POLA1: variants seen among roughly 807,000 people sequenced by gnomAD.
POLA1 encodes DNA polymerase alpha catalytic subunit.
In POLA1, 15 loss-of-function variants were observed where a neutral mutation model predicts 124.0. That is an observed-to-expected ratio of 0.12 (90% CI 0.08 to 0.19). POLA1 has a LOEUF of 0.19. Ranked by LOEUF, POLA1 falls within the 10% of genes least tolerant of loss-of-function variation. The pLI is 1.00. For missense variants in POLA1, 886 were observed against 1,103.4 expected (o/e 0.80, Z 2.79); for synonymous variants, 408 against 389.4 (o/e 1.05, Z -0.56).
At chrX:24,880,992 G>A (rs375556892) in intron 34 of POLA1, among the ~76,000 whole-genome samples, 2 of 111,846 alleles carry the variant, frequency 1.8e-5, no homozygotes, top group African/African-American at 3.2e-5. Context: ...TAAATCGTAC[G>A]TCACTGCAGA....
At chrX:24,785,392 C>A (rs2045342811) in intron 26 of POLA1, among the ~76,000 whole-genome samples, 1 of 111,547 alleles carries the variant, frequency 9.0e-6, no homozygotes, top group South Asian at 3.7e-4. Flanking sequence ...TTGGGGGTGA[C>A]CAGTACTATT....
chrX:24,713,721 A>G (rs1426134586), intron 4 of POLA1, among the ~76,000 whole-genome samples: 2 of 112,511 alleles, frequency 1.8e-5, no homozygotes, highest in Non-Finnish European at 3.8e-5. Context: ...GGCCAGCAAA[A>G]GTTGTTCTTT....
chrX:24,698,862 A>G (rs1441375021), intron 1 of POLA1, among the ~76,000 whole-genome samples: 1 of 110,927 alleles, frequency 9.0e-6, no homozygotes, highest in Non-Finnish European at 1.9e-5. Context: ...CATGTTGGCC[A>G]GGCTGGTCTC....
rs370361721 is a variant in POLA1 at position 24,996,865 on chromosome X, T to C, written c.*915T>C. ...TCTTACATTATTGGTAAGATTATAC[T>C]AACAAAATGTTTCCCCTTGTACAAT... On this transcript the variant is annotated 3_prime_UTR_variant, in exon 37 of 37. Transcript: ENST00000379068. 90 of 112,231 alleles carry C rather than the reference T, an allele frequency of 8.0e-4. No homozygotes were observed. The highest frequency in any genetic ancestry group is 2.8e-3 in the African/African-American group (87 of 30,860). The allele number at this position is 112,231 out of a possible 1,213,427, so 9.2% of individuals were successfully genotyped here.
intron 26 of POLA1, among the ~76,000 whole-genome samples, chrX:24,752,350 A>G (rs1186157283): frequency 8.9e-6 from 1 of 112,325 alleles, no homozygotes; most frequent in Non-Finnish European, 1.9e-5. Flanking sequence ...GAATGAGCTA[A>G]TGGGTAAGGA....
chrX:24,814,042 A>G, intron 29 of POLA1, among the ~76,000 whole-genome samples: 1 of 111,637 alleles, frequency 9.0e-6, no homozygotes, highest in East Asian at 2.8e-4. Flanking sequence ...GATTAGGCAA[A>G]GTTGACCAGC....
chrX:24,856,307 G>C (rs2046644737), intron 34 of POLA1, among the ~76,000 whole-genome samples: 1 of 112,100 alleles, frequency 8.9e-6, no homozygotes, highest in African/African-American at 3.2e-5. Context: ...CAGCCTTTGA[G>C]ACTATCTTCT....
intron 33 of POLA1, among the ~76,000 whole-genome samples, chrX:24,843,221 G>T: frequency 8.9e-6 from 1 of 111,918 alleles, no homozygotes; most frequent in Non-Finnish European, 1.9e-5. Context: ...TGAGAAAGAG[G>T]TTTATTTCCA....
chrX:24,701,043 C>G (rs1033069098), intron 2 of POLA1, among the ~76,000 whole-genome samples: 1 of 111,584 alleles, frequency 9.0e-6, no homozygotes, highest in African/African-American at 3.3e-5. Context: ...TATAGTGAAT[C>G]ACTTAAGTAA....
intron 24 of POLA1, among the ~76,000 whole-genome samples, chrX:24,746,946 G>A (rs905800923): frequency 1.8e-5 from 2 of 111,427 alleles, no homozygotes; most frequent in African/African-American, 6.5e-5. Context: ...TAGAATTTAC[G>A]GAGGCTAGGG....
At chrX:24,857,551 A>G in intron 34 of POLA1, among the ~76,000 whole-genome samples, 1 of 110,742 alleles carries the variant, frequency 9.0e-6, no homozygotes, top group East Asian at 2.8e-4. Context: ...ATTTATTTGG[A>G]TCTTCTTTGT....
At chrX:24,777,761 G>A (rs1283177508) in intron 26 of POLA1, among the ~76,000 whole-genome samples, 1 of 111,785 alleles carries the variant, frequency 8.9e-6, no homozygotes, top group African/African-American at 3.3e-5. Flanking sequence ...GTTGTTTAAT[G>A]GGTACAGAGT....
chrX:24,889,837 A>G (rs112527949), intron 35 of POLA1, among the ~76,000 whole-genome samples: 4,876 of 111,780 alleles, frequency 0.044, 279 homozygotes, highest in African/African-American at 0.15. Context: ...CTGGGACTAC[A>G]GGCATGTGCC....
chrX:24,894,166 G>A (rs1468718907), intron 35 of POLA1, among the ~76,000 whole-genome samples: 1 of 112,160 alleles, frequency 8.9e-6, no homozygotes, highest in East Asian at 2.8e-4. Flanking sequence ...ACTGCGTGCA[G>A]TATTTTAGGT....
chrX:24,897,276 G>A (rs1172664110), intron 35 of POLA1, among the ~76,000 whole-genome samples: 1 of 111,099 alleles, frequency 9.0e-6, no homozygotes, highest in Admixed American at 9.6e-5. Context: ...TGGACTTTGG[G>A]AGGAAAACAG....
Position 24,726,889 on chromosome X carries a change from A to G in POLA1, c.1393-44A>G, listed in dbSNP as rs192373138. The G allele has an allele frequency of 3.5e-4, 361 of 1,042,600 alleles. 1 individual carries two copies. The East Asian group carries it at 9.3e-3, about 27-fold the overall frequency. 85.9% of individuals were successfully genotyped at this position (1,042,600 alleles called of 1,213,427 possible). A position where few individuals can be genotyped will look rare whatever the true frequency, so the allele number is the denominator to read the frequency against. On this transcript the variant is annotated intron_variant, in intron 13 of 36. Transcript: ENST00000379068. Reference sequence around the variant, plus strand: ...ATATAGACTTTGGAAAATGCAAAGTAATAGTTTTAAACAAAAAGATTCTTT... The same window carrying G: ...ATATAGACTTTGGAAAATGCAAAGTGATAGTTTTAAACAAAAAGATTCTTT...
intron 26 of POLA1, among the ~76,000 whole-genome samples, chrX:24,795,413 T>A (rs188956532): frequency 6.6e-3 from 735 of 111,872 alleles, no homozygotes; most frequent in Non-Finnish European, 0.012. Flanking sequence ...TTATCTTTTT[T>A]AATCTTTAAT....
intron 35 of POLA1, among the ~76,000 whole-genome samples, chrX:24,925,998 A>G (rs923390949): frequency 1.2e-4 from 13 of 110,678 alleles, no homozygotes; most frequent in Non-Finnish European, 2.3e-4. Flanking sequence ...GGAGTTCGAG[A>G]CCAGCCTGAG....
At chrX:24,833,696 T>C (rs935867496) in intron 32 of POLA1, among the ~76,000 whole-genome samples, 10 of 112,402 alleles carry the variant, frequency 8.9e-5, no homozygotes, top group South Asian at 7.4e-4. Flanking sequence ...AAGTAGGCTG[T>C]GTTATAAGAC....
Sources: gnomAD v4.1 joint callset for allele counts (sites outside exome capture counted in the v4.1 genomes callset) on GRCh38, gnomAD v4.1.1 for gene constraint, MANE v1.5 for transcripts, NCBI Gene and HGNC (gene_info 2026-07-23, HGNC 2026-07-21) for gene names.